The following LONP1 variants were observed in gnomAD, a reference collection of about 807,000 sequenced individuals.
LONP1 encodes the protein lon protease homolog, mitochondrial.
A neutral mutation model predicts 98.5 loss-of-function variants in LONP1; 31 were observed. That is an observed-to-expected ratio of 0.31 (90% confidence interval 0.24 to 0.42). The LOEUF (loss-of-function observed/expected upper bound fraction) is 0.42, where lower values mean the gene tolerates loss of function less well. LONP1 is among the 20% of genes least tolerant of loss of function. LONP1 has a pLI of 1.00. For synonymous variants in LONP1, 781 were observed against 594.7 expected (o/e 1.31, Z -4.56); for missense variants, 1,336 against 1,350.6 (o/e 0.99, Z 0.17).
intron 8 of LONP1, 53 bp from the exon 9 acceptor site, chr19:5,700,980 T>C: frequency 6.2e-7 from 1 of 1,607,960 alleles, no homozygotes; most frequent in Non-Finnish European, 8.5e-7. Flanking sequence ...GCTGCCTGTC[T>C]CTCTGCTGGA....
In LONP1 at chr19:5,696,391, GT is replaced by G; in HGVS notation, c.1774-21del. 1 of 1,610,874 alleles carries G rather than the reference GT, an allele frequency of 6.2e-7. No homozygotes were observed. Among genetic ancestry groups the G allele is most frequent in the Non-Finnish European group, 8.5e-7 (1 of 1,178,528 alleles). ...GTCCACCTGGGGCAGCAGACAGCAG[GT>G]GGTGCCCCTCGCCGTGCCCCTGGCC... is the stretch of plus-strand genomic sequence containing the variant. On this transcript the variant is annotated intron_variant, in intron 11 of 17. Transcript: ENST00000360614.
chr19:5,706,969 C>T (rs1237074475), intron 7 of LONP1, 91 bp downstream of exon 7: 30 of 1,098,406 alleles, frequency 2.7e-5, no homozygotes, highest in South Asian at 8.0e-5. Flanking sequence ...CCGATGCCAC[C>T]GGTCCCTCCG....
chr19:5,696,684 T>G lies in LONP1; in HGVS notation c.1759A>C (p.Ile587Leu). The G allele has an allele frequency of 5.6e-6, 9 of 1,613,378 alleles. No individual in the cohort carries two copies. Among genetic ancestry groups the G allele is most frequent in the Non-Finnish European group, 6.8e-6 (8 of 1,179,832 alleles). ...TCCGCACGCACCTCGTCGATGAGGA[T>G]CAGGGGGTTCTCCGTCTTGGTCTTC... is the stretch of plus-strand genomic sequence containing the variant. ...LKKTKTENPL[I>L]LIDEVDKIGR... is the part of the protein sequence containing the mutation. The change falls in exon 11 of 18, where the codon ATC (isoleucine) becomes CTC (leucine). Residue 587 changes from isoleucine to leucine, a missense_variant. By Grantham distance (5) the Ile-to-Leu change is conservative. Coordinates refer to ENST00000360614, the MANE Select transcript of LONP1 (RefSeq NM_004793.4).
intron 5 of LONP1, 114 bp downstream of exon 5, chr19:5,708,228 G>T: frequency 1.8e-6 from 2 of 1,096,616 alleles, no homozygotes; most frequent in Non-Finnish European, 1.3e-6. Flanking sequence ...GCCACTCCTT[G>T]GGGCAGGCAA....
Position 5,692,049 on chromosome 19 carries a change from G to A in LONP1, c.2863C>T (p.Leu955=). ...IAFPDEQAEA[L]AVER Reference sequence around the variant, plus strand: ...GGTGGCCGTCACCGTTCCACGGCCAGCGCCTCTGCCTGCTCGTCCGGGAAG... The same window carrying A: ...GGTGGCCGTCACCGTTCCACGGCCAACGCCTCTGCCTGCTCGTCCGGGAAG... The change falls in exon 18 of 18, where the codon CTG becomes TTG. Residue 955 remains leucine, a synonymous_variant. Transcript: ENST00000360614. The A allele has an allele frequency of 6.4e-7, 1 of 1,550,640 alleles. No individual in the cohort carries two copies. Among genetic ancestry groups the A allele is most frequent in the South Asian group, 1.1e-5 (1 of 87,404 alleles).
rs1294845308 is a variant in LONP1 at position 5,691,902 on chromosome 19, G to A, written c.*130C>T. The A allele has an allele frequency of 1.9e-6, 2 of 1,058,836 alleles. No homozygotes were observed. Among genetic ancestry groups the A allele is most frequent in the Non-Finnish European group, 2.7e-6 (2 of 738,390 alleles). 65.6% of individuals were successfully genotyped at this position (1,058,836 alleles called of 1,614,324 possible). On this transcript the variant is annotated 3_prime_UTR_variant, in exon 18 of 18. Coordinates refer to ENST00000360614, the MANE Select transcript of LONP1 (RefSeq NM_004793.4). ...TCTGATTAAGCCGACTGAGGTCCCT[G>A]GGATCTGGGTCACTGGACCGAGCTG...
At chr19:5,695,797 G>A (rs974801757) in intron 13 of LONP1, among the ~76,000 whole-genome samples, 3 of 152,218 alleles carry the variant, frequency 2.0e-5, no homozygotes, top group African/African-American at 4.8e-5. Flanking sequence ...TGGAGGCCCC[G>A]GGAGACAGAG....
rs999407399 is a variant in LONP1, at chr19:5,699,154, A to T, written c.1558T>A (p.Cys520Ser). Residue 520 changes from cysteine to serine, a missense_variant, in exon 10 of 18, where the codon TGC becomes AGC. By Grantham distance (112) the Cys-to-Ser change is moderately radical. This residue lies in a region of LONP1 where 219 missense variants were observed against 241.0 expected (regional missense o/e 0.91). Transcript: ENST00000360614. ...CCCACGCCAGGGGGGCCATAGAAGC[A>T]GAGGATCTTGCCCTGGGTGGAGCCG... ...LRGSTQGKIL[C>S]FYGPPGVGKT... 1.0e-5 allele frequency: 16 copies of T among 1,553,910 alleles called. No individual in the cohort carries two copies. The highest frequency in any genetic ancestry group is 1.3e-5 in the Non-Finnish European group (15 of 1,142,612).
chr19:5,708,319 C>T (rs779456159), intron 5 of LONP1, 23 bp downstream of exon 5: 7 of 1,540,358 alleles, frequency 4.5e-6, no homozygotes, highest in Non-Finnish European at 6.2e-6. Context: ...CCCGCCTGGC[C>T]AGCTGCCCGC....
chr19:5,697,531 G>A (rs1029812823), intron 10 of LONP1, among the ~76,000 whole-genome samples: 1 of 141,066 alleles, frequency 7.1e-6, no homozygotes, highest in Non-Finnish European at 1.5e-5. Flanking sequence ...AGGGAGGAGA[G>A]GGGGAAGAGG....
intron 9 of LONP1, among the ~76,000 whole-genome samples, chr19:5,699,532 G>C (rs1389790831): frequency 6.0e-5 from 9 of 150,418 alleles, no homozygotes; most frequent in Admixed American, 2.0e-4. Context: ...CAGAGAAGCA[G>C]TCCACCAATG....
Position 5,714,618 on chromosome 19 carries a change from C to CTTT in LONP1, c.430-350_430-348dup, listed in dbSNP as rs369231779. ...CCAAACGCAGCACAGGGTAGCTTTTCTTTTTTTTTTTTTTTTCTGAGACGG... is the reference window on the plus strand; with the variant it reads ...CCAAACGCAGCACAGGGTAGCTTTTCTTTTTTTTTTTTTTTTTTTCTGAGACGG... On this transcript the variant is annotated intron_variant, in intron 1 of 17. Transcript: ENST00000360614. 1.0e-3 allele frequency among the ~76,000 whole-genome samples: 129 copies of CTTT among 127,842 alleles called. No individual in the cohort carries two copies. In the East Asian group the frequency reaches 0.023, roughly 23 times the overall value. The allele number at this position is 127,842 out of a possible 152,430, so 83.9% of individuals were successfully genotyped here. A position where few individuals can be genotyped will look rare whatever the true frequency, so the allele number is the denominator to read the frequency against.
chr19:5,694,029 G>A (rs1436482506), intron 15 of LONP1, among the ~76,000 whole-genome samples: 1 of 152,212 alleles, frequency 6.6e-6, no homozygotes, highest in East Asian at 1.9e-4. Flanking sequence ...AGGCCCAGCT[G>A]CCGCTGCCCT....
At position 5,693,415 on chromosome 19, in the gene LONP1, C is replaced by A. The variant is rs141774590; in HGVS notation, c.2586G>T (p.Thr862=). 2.5e-6 allele frequency: 4 copies of A among 1,612,580 alleles called. No homozygotes were observed. The highest frequency in any genetic ancestry group is 3.4e-6 in the Non-Finnish European group (4 of 1,179,452). The change falls in exon 17 of 18, where the codon ACG becomes ACT. Residue 862 remains threonine, a synonymous_variant. Coordinates refer to ENST00000360614, the MANE Select transcript of LONP1 (RefSeq NM_004793.4). ...DGPSAGCTIV[T]ALLSLAMGRP... is the part of the protein sequence containing the mutation. Reference sequence around the variant, plus strand: ...TGCCCATGGCCAGGGACAGCAGGGCCGTGACGATGGTGCAGCCTGCGCTTG... The same window carrying A: ...TGCCCATGGCCAGGGACAGCAGGGCAGTGACGATGGTGCAGCCTGCGCTTG...
chr19:5,699,571 T>C (rs1290778942), intron 9 of LONP1, among the ~76,000 whole-genome samples: 3 of 150,054 alleles, frequency 2.0e-5, no homozygotes, highest in African/African-American at 7.4e-5. Flanking sequence ...TTTTTTTTTT[T>C]TTTTGAGATG....
At chr19:5,710,137 G>A (rs1047862904) in intron 4 of LONP1, among the ~76,000 whole-genome samples, 2 of 147,616 alleles carry the variant, frequency 1.4e-5, no homozygotes, top group Non-Finnish European at 3.0e-5. Flanking sequence ...AGGCTGGAAT[G>A]CAATAGTGCA....
Position 5,693,304 on chromosome 19 carries a change from G to C in LONP1, c.2697C>G (p.Thr899=). ...ILPVGGIKEK[T]IAAKRAGVTC... ...TGGGTACAGGGACACTCACCGCAAT[G>C]GTCTTCTCCTTGATGCCACCAACAG... Residue 899 remains threonine (T), a synonymous_variant, in exon 17 of 18, where the codon ACC becomes ACG. Coordinates refer to ENST00000360614, the MANE Select transcript of LONP1 (RefSeq NM_004793.4). 6.2e-7 allele frequency: 1 copy of C among 1,611,242 alleles called. No homozygotes were observed. Among genetic ancestry groups the C allele is most frequent in the Non-Finnish European group, 8.5e-7 (1 of 1,178,268 alleles).
intron 8 of LONP1, among the ~76,000 whole-genome samples, chr19:5,703,999 G>A (rs951809546): frequency 2.0e-5 from 3 of 152,230 alleles, no homozygotes; most frequent in Admixed American, 6.5e-5. Context: ...CCCACAGGAG[G>A]CGGCGGCACA....
chr19:5,708,517 T>C, intron 4 of LONP1, 114 bp from the exon 5 acceptor site: 2 of 436,920 alleles, frequency 4.6e-6, no homozygotes, highest in Non-Finnish European at 4.0e-6. Context: ...CTCCCTCCCC[T>C]CCGCCAACTG....
Sources: gnomAD v4.1 joint callset for allele counts (sites outside exome capture counted in the v4.1 genomes callset) on GRCh38, gnomAD v4.1.1 for gene constraint, gnomAD v4.1.1 regional missense constraint, MANE v1.5 for transcripts, NCBI Gene and HGNC (gene_info 2026-07-23, HGNC 2026-07-21) for gene names.